The following TRAPPC9 variants were observed in gnomAD, a reference collection of about 807,000 sequenced individuals.
TRAPPC9 encodes IKK2 binding protein.
In TRAPPC9, 83 loss-of-function variants were observed where a neutral mutation model predicts 124.0. The ratio of observed to expected loss-of-function variants is 0.67; its 90% confidence interval spans 0.56 to 0.80. The LOEUF is 0.80. Among genes scored for constraint, TRAPPC9 ranks in the 30% least tolerant of loss-of-function variants. The pLI is 0.00. For synonymous variants in TRAPPC9, 638 were observed against 617.5 expected (o/e 1.03, Z -0.49); for missense variants, 1,302 against 1,508.3 (o/e 0.86, Z 2.27).
chr8:140,143,196 A>G (rs191137213), intron 17 of TRAPPC9, among the ~76,000 whole-genome samples: 137 of 152,366 alleles, frequency 9.0e-4, no homozygotes, highest in Non-Finnish European at 1.5e-3. Flanking sequence ...AAAATAGTTC[A>G]TCTCCAGGTG....
At chr8:140,324,765 G>A (rs2131964145) in intron 9 of TRAPPC9, among the ~76,000 whole-genome samples, 1 of 152,268 alleles carries the variant, frequency 6.6e-6, no homozygotes, top group African/African-American at 2.4e-5. Flanking sequence ...GGGACACCCT[G>A]TCTCAAAAAT....
intron 18 of TRAPPC9, among the ~76,000 whole-genome samples, chr8:140,002,136 G>A (rs535143331): frequency 7.3e-5 from 11 of 151,520 alleles, no homozygotes; most frequent in South Asian, 4.2e-4. Context: ...AAGAAAAAAC[G>A]ACCACAAATA....
rs1554679810 is a variant in TRAPPC9, at chr8:140,393,032, T to TTTTATTTTATTTTATTTTA, written c.1134+4587_1134+4588insTAAAATAAAATAAAATAAA. 8.4e-4 allele frequency among the ~76,000 whole-genome samples: 116 copies of TTTTATTTTATTTTATTTTA among 138,098 alleles called. 1 individual carries two copies. The highest frequency in any genetic ancestry group is 1.6e-3 in the Non-Finnish European group (100 of 64,210). 90.6% of individuals were successfully genotyped at this position (138,098 alleles called of 152,430 possible). ...AGTGAATATTATCATTCCCATTTTA[T>TTTTATTTTATTTTATTTTA]TTTTATTTTATTTTATTTTATTTTA... is the stretch of plus-strand genomic sequence containing the variant. On this transcript the variant is annotated intron_variant, in intron 7 of 22. Transcript: ENST00000438773.
intron 10 of TRAPPC9, among the ~76,000 whole-genome samples, chr8:140,309,742 C>T (rs945851013): frequency 1.3e-5 from 2 of 152,232 alleles, no homozygotes; most frequent in Admixed American, 1.3e-4. Context: ...ATAGAAAAGC[C>T]TCAAAGGCCC....
chr8:140,425,354 A>C (rs1451873882), intron 5 of TRAPPC9, among the ~76,000 whole-genome samples: 1 of 152,140 alleles, frequency 6.6e-6, no homozygotes, highest in Non-Finnish European at 1.5e-5. Flanking sequence ...CATACCAAAC[A>C]CTGGTTTCTG....
intron 8 of TRAPPC9, among the ~76,000 whole-genome samples, chr8:140,369,908 T>C (rs568735852): frequency 2.8e-4 from 42 of 152,064 alleles, no homozygotes; most frequent in South Asian, 1.2e-3. Flanking sequence ...GCCAAGATCA[T>C]GCCATTGCAC....
Position 139,863,369 on chromosome 8 carries a change from C to T in TRAPPC9, c.3055+22510G>A, listed in dbSNP as rs1040919436. Reference sequence around the variant, plus strand: ...CCAGCTGCAGCACAGGGAGGAGGCACGGAGGGCCCAAAGAAGGGGTGCGCC... The same window carrying T: ...CCAGCTGCAGCACAGGGAGGAGGCATGGAGGGCCCAAAGAAGGGGTGCGCC... On this transcript the variant is annotated intron_variant, in intron 21 of 22. Coordinates refer to ENST00000438773, the MANE Select transcript of TRAPPC9 (RefSeq NM_001160372.4). Among the ~76,000 whole-genome samples the T allele has an allele frequency of 7.2e-5, 11 of 152,192 alleles. No homozygotes were observed. In the South Asian group the frequency reaches 8.3e-4, roughly 11 times the overall value.
At chr8:140,338,011 G>A (rs1361169065) in intron 9 of TRAPPC9, among the ~76,000 whole-genome samples, 1 of 151,962 alleles carries the variant, frequency 6.6e-6, no homozygotes, top group Non-Finnish European at 1.5e-5. Context: ...TTCTAAAGAG[G>A]GCCTCCGTAT....
chr8:140,405,609 T>C lies in TRAPPC9; in HGVS notation c.976A>G (p.Lys326Glu). The C allele has an allele frequency of 6.2e-7, 1 of 1,614,172 alleles. No homozygotes were observed. Among genetic ancestry groups the C allele is most frequent in the Non-Finnish European group, 8.5e-7 (1 of 1,180,004 alleles). ...TAATAGGAAATCGCCTCTTTATACT[T>C]GTCAATTATGTCTTCAGGGCTAAGG... ...NCLSPEDIID[K>E]YKEAISYYSK... Residue 326 changes from lysine to glutamate, a missense_variant, in exon 6 of 23, where the codon AAG (lysine) becomes GAG (glutamate). By Grantham distance (56) the Lys-to-Glu change is moderately conservative. Coordinates refer to ENST00000438773, the MANE Select transcript of TRAPPC9 (RefSeq NM_001160372.4).
chr8:140,375,883 G>C (rs1204735055), intron 7 of TRAPPC9, among the ~76,000 whole-genome samples: 2 of 152,158 alleles, frequency 1.3e-5, no homozygotes, highest in Non-Finnish European at 2.9e-5. Context: ...TGATGACCGT[G>C]GGAGAATGCC....
chr8:140,221,386 A>C, intron 17 of TRAPPC9, 73 bp downstream of exon 17: 1 of 1,601,234 alleles, frequency 6.2e-7, no homozygotes, highest in Non-Finnish European at 8.5e-7. Context: ...AAGGACTCAG[A>C]GCTGTGCTTC....
intron 17 of TRAPPC9, among the ~76,000 whole-genome samples, chr8:140,173,610 T>A (rs1385076280): frequency 6.6e-6 from 1 of 151,774 alleles, no homozygotes; most frequent in Non-Finnish European, 1.5e-5. Flanking sequence ...ACATGAAACT[T>A]GGTGATTGAA....
At chr8:140,056,475 G>A (rs377346045) in intron 17 of TRAPPC9, among the ~76,000 whole-genome samples, 2 of 151,484 alleles carry the variant, frequency 1.3e-5, no homozygotes, top group African/African-American at 2.4e-5. Flanking sequence ...AGACATATGA[G>A]ATCAATGGAA....
intron 21 of TRAPPC9, among the ~76,000 whole-genome samples, chr8:139,806,975 G>A (rs138868834): frequency 0.012 from 1,879 of 152,352 alleles, 19 homozygotes; most frequent in Middle Eastern, 0.041. Context: ...GAAGGCCCGA[G>A]CACTTAGCGG....
chr8:140,275,915 A>C (rs949155364), intron 14 of TRAPPC9, 94 bp from the exon 15 acceptor site: 17 of 1,029,736 alleles, frequency 1.7e-5, no homozygotes, highest in African/African-American at 7.9e-5. Context: ...CACCATACTC[A>C]TGCATTTCAG....
intron 11 of TRAPPC9, among the ~76,000 whole-genome samples, chr8:140,296,909 A>G (rs1489058043): frequency 1.3e-5 from 2 of 152,244 alleles, no homozygotes; most frequent in African/African-American, 4.8e-5. Context: ...CAGAGACTCT[A>G]GAAGGTCCCA....
At chr8:140,015,033 A>G (rs1311525370) in intron 18 of TRAPPC9, among the ~76,000 whole-genome samples, 1 of 152,272 alleles carries the variant, frequency 6.6e-6, no homozygotes, top group Non-Finnish European at 1.5e-5. Flanking sequence ...CCCAGGAGTA[A>G]ATAACTCACA....
chr8:140,161,385 T>C (rs1563808232), intron 17 of TRAPPC9, among the ~76,000 whole-genome samples: 1 of 149,732 alleles, frequency 6.7e-6, no homozygotes. Flanking sequence ...ATCCCCTAAC[T>C]GAAATGCTCA....
chr8:140,446,878 C>T (rs916426261), intron 2 of TRAPPC9, among the ~76,000 whole-genome samples: 1 of 152,062 alleles, frequency 6.6e-6, no homozygotes, highest in African/African-American at 2.4e-5. Context: ...GGTGGAAAGT[C>T]GCTGAGGTGA....
Sources: gnomAD v4.1 joint callset for allele counts (sites outside exome capture counted in the v4.1 genomes callset) on GRCh38, gnomAD v4.1.1 for gene constraint, MANE v1.5 for transcripts, NCBI Gene and HGNC (gene_info 2026-07-23, HGNC 2026-07-21) for gene names.